SLC4A1AP: variants seen among roughly 807,000 people sequenced by gnomAD.
The protein encoded by SLC4A1AP is solute carrier family 4 member 1 adaptor protein.
Under a neutral mutation model 89.7 loss-of-function variants are expected in SLC4A1AP, and 64 were observed. The ratio of observed to expected loss-of-function variants is 0.71; its 90% CI spans 0.58 to 0.88. The LOEUF (loss-of-function observed/expected upper bound fraction) is 0.88, where lower values mean the gene tolerates loss of function less well. Among genes scored for constraint, SLC4A1AP ranks in the 40% least tolerant of loss-of-function variants. The pLI is 0.00. For missense variants in SLC4A1AP, 931 were observed against 965.0 expected (o/e 0.96, Z 0.47); for synonymous variants, 366 against 353.3 (o/e 1.04, Z -0.40).
intron 12 of SLC4A1AP, among the ~76,000 whole-genome samples, chr2:27,689,914 G>T (rs946191387): frequency 1.3e-5 from 2 of 152,116 alleles, no homozygotes; most frequent in African/African-American, 4.8e-5. Context: ...CCTCTATGGG[G>T]GCTGTACCAT....
At chr2:27,670,979 A>C (rs1675420631) in intron 5 of SLC4A1AP, among the ~76,000 whole-genome samples, 1 of 128,880 alleles carries the variant, frequency 7.8e-6, no homozygotes, top group Non-Finnish European at 1.5e-5. Context: ...ACTGGAGTGC[A>C]GTGGCATGAT....
At position 27,677,930 on chromosome 2, in the gene SLC4A1AP, T is replaced by C. The variant is rs753415290; in HGVS notation, c.1763+6T>C. ...GAGATTCCAGAACTAAAAAAGTAAG[T>C]CTTAGTTATATTTGGAATTCTAAAT... On this transcript the variant is annotated splice_donor_region_variant and intron_variant, in intron 8 of 13. Transcript: ENST00000613058. 22 of 1,565,164 alleles carry C rather than the reference T, an allele frequency of 1.4e-5. No individual in the cohort carries two copies. The highest frequency in any genetic ancestry group is 3.9e-5 in the Admixed American group (2 of 51,240).
chr2:27,665,178 T>C (rs1340162153), exon 2 of SLC4A1AP: 1 of 1,613,312 alleles, frequency 6.2e-7, no homozygotes, highest in Non-Finnish European at 8.5e-7. Context: ...GCAGCAAATA[T>C]TGTTGGAGAA....
At chr2:27,668,329 T>A (rs1301358496) in intron 3 of SLC4A1AP, among the ~76,000 whole-genome samples, 4 of 152,150 alleles carry the variant, frequency 2.6e-5, no homozygotes, top group African/African-American at 9.7e-5. Flanking sequence ...TTTTTGTATT[T>A]TTAGTAGAGA....
intron 12 of SLC4A1AP, among the ~76,000 whole-genome samples, chr2:27,689,225 C>T (rs1675751943): frequency 6.6e-6 from 1 of 152,102 alleles, no homozygotes; most frequent in Non-Finnish European, 1.5e-5. Context: ...CAGATGGACA[C>T]TTGCATTGTT....
At chr2:27,679,734 A>G (rs1246205900) in intron 8 of SLC4A1AP, among the ~76,000 whole-genome samples, 1 of 152,236 alleles carries the variant, frequency 6.6e-6, no homozygotes, top group African/African-American at 2.4e-5. Context: ...AACGGTGTGT[A>G]TAACAGGCGC....
In SLC4A1AP at chr2:27,667,358, A is replaced by G. The variant is rs1490351754; in HGVS notation, c.1112A>G (p.Lys371Arg). The change falls in exon 3 of 14, where the codon AAA becomes AGA. Residue 371 changes from lysine to arginine, a missense_variant. Physicochemically the swap from Lys to Arg is conservative, Grantham distance 26 (BLOSUM62 2). Transcript: ENST00000613058. ...GAGGCCTTTTATATAAAGGATCCCAAAAAGGCTCTCCAAGGCTTTTTTGAC... is the reference window on the plus strand; with the variant it reads ...GAGGCCTTTTATATAAAGGATCCCAGAAAGGCTCTCCAAGGCTTTTTTGAC... 16 of 1,613,480 alleles carry G rather than the reference A, an allele frequency of 9.9e-6. No homozygotes were observed. Among genetic ancestry groups the G allele is most frequent in the Non-Finnish European group, 1.4e-5 (16 of 1,179,726 alleles).
chr2:27,679,692 C>T (rs184964809), intron 8 of SLC4A1AP, among the ~76,000 whole-genome samples: 3 of 152,150 alleles, frequency 2.0e-5, no homozygotes, highest in Non-Finnish European at 2.9e-5. Flanking sequence ...TACAGAAACA[C>T]TATCAAGATA....
chr2:27,693,207 C>T (rs1675817079), intron 12 of SLC4A1AP: 2 of 151,636 alleles, frequency 1.3e-5, no homozygotes, highest in Admixed American at 6.6e-5. Context: ...GCTGGGATTA[C>T]AGGTGTGAGC....
chr2:27,682,521 ATTCT>A (rs373815335), intron 9 of SLC4A1AP, among the ~76,000 whole-genome samples, 162 bp downstream of exon 9: 56,597 of 138,542 alleles, frequency 0.41, 11,365 homozygotes, highest in Non-Finnish European at 0.51. Flanking sequence ...TGGTTCTTGG[ATTCT>A]TTTTTTTTTT....
chr2:27,674,471 C>T (rs1408720517), intron 5 of SLC4A1AP, among the ~76,000 whole-genome samples: 1 of 152,048 alleles, frequency 6.6e-6, no homozygotes, highest in Non-Finnish European at 1.5e-5. Flanking sequence ...ATATTGTAGG[C>T]TTGACCATCA....
intron 8 of SLC4A1AP, among the ~76,000 whole-genome samples, 173 bp from the exon 9 acceptor site, chr2:27,682,070 TTCTTG>T (rs1297598455): frequency 6.6e-6 from 1 of 152,206 alleles, no homozygotes; most frequent in Non-Finnish European, 1.5e-5. Context: ...GTCAGCATTG[TTCTTG>T]TCCATTCAAA....
chr2:27,676,921 A>G (rs1016923637), intron 6 of SLC4A1AP, among the ~76,000 whole-genome samples: 2 of 151,856 alleles, frequency 1.3e-5, no homozygotes, highest in Non-Finnish European at 2.9e-5. Context: ...CAGGCTGATC[A>G]TGAGGTCAGG....
At chr2:27,685,043 C>T in exon 10 of SLC4A1AP, 2 of 1,598,152 alleles carry the variant, frequency 1.3e-6, no homozygotes, top group East Asian at 2.2e-5. Context: ...TTAGAAGTTA[C>T]CCCCCAAGCG....
chr2:27,673,418 CCCTCCCTCCCTCCCTCCCTCCCTCCCTT>C (rs1675460885), intron 5 of SLC4A1AP, among the ~76,000 whole-genome samples: 1 of 84,938 alleles, frequency 1.2e-5, no homozygotes, highest in Non-Finnish European at 2.3e-5. Flanking sequence ...CTCCCTCCCT[CCCTCCCTCCCTCCCTCCCTCCCTCCCTT>C]CCTTCCTTCC....
intron 5 of SLC4A1AP, among the ~76,000 whole-genome samples, chr2:27,674,856 C>T (rs1675491680): frequency 6.6e-6 from 1 of 151,508 alleles, no homozygotes; most frequent in South Asian, 2.1e-4. Flanking sequence ...GGATTACAGG[C>T]ACCCGCCACT....
At chr2:27,674,052 C>T (rs972006688) in intron 5 of SLC4A1AP, among the ~76,000 whole-genome samples, 10 of 151,756 alleles carry the variant, frequency 6.6e-5, no homozygotes, top group African/African-American at 9.7e-5. Context: ...GTCTGTCTCA[C>T]GAGTGCATTT....
At chr2:27,678,371 A>T (rs1481516230) in intron 8 of SLC4A1AP, among the ~76,000 whole-genome samples, 1 of 152,106 alleles carries the variant, frequency 6.6e-6, no homozygotes, top group Non-Finnish European at 1.5e-5. Flanking sequence ...TATCTCTACA[A>T]AAAATAAAAA....
chr2:27,681,714 C>G (rs1456452881), intron 8 of SLC4A1AP, among the ~76,000 whole-genome samples: 1 of 152,156 alleles, frequency 6.6e-6, no homozygotes, highest in Non-Finnish European at 1.5e-5. Context: ...CTAACTATCT[C>G]CAGCCGTTGA....
Sources: gnomAD v4.1 joint callset for allele counts (sites outside exome capture counted in the v4.1 genomes callset) on GRCh38, gnomAD v4.1.1 for gene constraint, MANE v1.5 for transcripts, NCBI Gene and HGNC (gene_info 2026-07-23, HGNC 2026-07-21) for gene names.